Variants in IL1RAPL1 observed in about 807,000 individuals in gnomAD.
The protein encoded by IL1RAPL1 is interleukin-1 receptor accessory protein-like 1.
Under a neutral mutation model 48.4 loss-of-function variants are expected in IL1RAPL1, and 3 were observed. That is an observed-to-expected ratio of 0.06 (90% confidence interval 0.03 to 0.16). The LOEUF (loss-of-function observed/expected upper bound fraction) is 0.16, where lower values mean the gene tolerates loss of function less well. Among genes scored for constraint, IL1RAPL1 ranks in the 10% least tolerant of loss-of-function variants. IL1RAPL1 has a pLI of 1.00. For synonymous variants in IL1RAPL1, 185 were observed against 187.7 expected (o/e 0.99, Z 0.12); for missense variants, 349 against 530.6 (o/e 0.66, Z 3.36).
intron 5 of IL1RAPL1, among the ~76,000 whole-genome samples, chrX:29,652,602 C>T (rs974121558): frequency 1.8e-5 from 2 of 111,614 alleles, no homozygotes; most frequent in African/African-American, 6.5e-5. Context: ...GAAAAAAATT[C>T]AATTCGGATC....
At chrX:29,437,994 A>G (rs747176102) in intron 5 of IL1RAPL1, among the ~76,000 whole-genome samples, 17 of 111,123 alleles carry the variant, frequency 1.5e-4, no homozygotes, top group African/African-American at 5.5e-4. Context: ...TTCCAGCAAA[A>G]TCATCTGGAC....
intron 1 of IL1RAPL1, 88 bp from the exon 2 acceptor site, chrX:28,789,232 A>G: frequency 3.8e-6 from 2 of 525,311 alleles, no homozygotes; most frequent in East Asian, 3.7e-5. Flanking sequence ...TGCACCGATC[A>G]TGTTTGATCA....
intron 3 of IL1RAPL1, among the ~76,000 whole-genome samples, chrX:29,363,618 G>A (rs1055121065): frequency 9.0e-6 from 1 of 111,425 alleles, no homozygotes; most frequent in Non-Finnish European, 1.9e-5. Flanking sequence ...ATTGGCTCAC[G>A]ATTTTGCAGG....
At chrX:29,444,666 C>T (rs191158731) in intron 5 of IL1RAPL1, among the ~76,000 whole-genome samples, 108 of 111,922 alleles carry the variant, frequency 9.6e-4, no homozygotes, top group Admixed American at 6.8e-3. Flanking sequence ...GTGGCTGATA[C>T]AATGAGATCA....
At chrX:28,703,086 A>G (rs1935321440) in intron 1 of IL1RAPL1, among the ~76,000 whole-genome samples, 1 of 111,541 alleles carries the variant, frequency 9.0e-6, no homozygotes, top group Non-Finnish European at 1.9e-5. Context: ...GGATACTTGT[A>G]CACAACTAGT....
chrX:28,616,222 G>T (rs756591113), intron 1 of IL1RAPL1, among the ~76,000 whole-genome samples: 1 of 111,898 alleles, frequency 8.9e-6, no homozygotes, highest in Non-Finnish European at 1.9e-5. Context: ...CTATCATTTT[G>T]TCATAAAATG....
intron 2 of IL1RAPL1, among the ~76,000 whole-genome samples, chrX:28,790,567 T>TA (rs1380774928): frequency 9.0e-6 from 1 of 111,268 alleles, no homozygotes; most frequent in Non-Finnish European, 1.9e-5. Flanking sequence ...GGTTGAAAGT[T>TA]AAAAAAAAAT....
At chrX:29,905,163 A>G (rs1005883548) in intron 6 of IL1RAPL1, among the ~76,000 whole-genome samples, 1 of 111,650 alleles carries the variant, frequency 9.0e-6, no homozygotes, top group African/African-American at 3.2e-5. Context: ...GACTGCATAA[A>G]TGTCTTCTTT....
intron 5 of IL1RAPL1, among the ~76,000 whole-genome samples, chrX:29,406,146 T>G: frequency 8.9e-6 from 1 of 111,734 alleles, no homozygotes; most frequent in Non-Finnish European, 1.9e-5. Context: ...TCCCAGCACT[T>G]TGGGAGGCCG....
chrX:29,113,557 A>G (rs1928616791), intron 2 of IL1RAPL1, among the ~76,000 whole-genome samples: 1 of 111,941 alleles, frequency 8.9e-6, no homozygotes, highest in South Asian at 3.7e-4. Flanking sequence ...ATGGTCTGAA[A>G]TGTCTTTCAG....
intron 6 of IL1RAPL1, among the ~76,000 whole-genome samples, chrX:29,757,900 C>T (rs906995600): frequency 1.4e-4 from 16 of 110,658 alleles, no homozygotes; most frequent in Admixed American, 2.9e-4. Flanking sequence ...ATCTTATAGA[C>T]GGAGGAAGAA....
In IL1RAPL1 at chrX:29,918,527, T is replaced by A. The variant is rs1025278400; in HGVS notation, c.911+931T>A. On this transcript the variant is annotated intron_variant, in intron 7 of 10. Coordinates refer to ENST00000378993, the MANE Select transcript of IL1RAPL1 (RefSeq NM_014271.4). ...TCTCAAAAAAAAAAAAAAAAAAAAA[T>A]TTTCACAGGAAACATTAACAAGGTA... 2.5e-3 allele frequency among the ~76,000 whole-genome samples: 253 copies of A among 100,833 alleles called. 2 individuals carry two copies. Among genetic ancestry groups the A allele is most frequent in the African/African-American group, 8.9e-3 (236 of 26,651 alleles). 87.6% of individuals were successfully genotyped at this position (100,833 alleles called of 115,157 possible). A position where few individuals can be genotyped will look rare whatever the true frequency, so the allele number is the denominator to read the frequency against.
chrX:29,672,864 C>G (rs1250653705), intron 6 of IL1RAPL1, among the ~76,000 whole-genome samples: 1 of 111,921 alleles, frequency 8.9e-6, no homozygotes. Context: ...AAAGCAAGCA[C>G]TTTTTGTATC....
intron 2 of IL1RAPL1, among the ~76,000 whole-genome samples, chrX:29,122,409 T>TCTCTCTCTCACACACA (rs60632925): frequency 1.5e-5 from 1 of 64,569 alleles, no homozygotes; most frequent in African/African-American, 7.8e-5. Context: ...TCTCTCTCTC[T>TCTCTCTCTCACACACA]CACACACACA....
rs185305869 is a variant in IL1RAPL1 at position 29,217,034 on chromosome X, C to G, written c.83-65904C>G. 5.4e-5 allele frequency among the ~76,000 whole-genome samples: 6 copies of G among 111,498 alleles called. No homozygotes were observed. The East Asian group carries it at 1.4e-3, about 26-fold the overall frequency. The stretch of plus-strand genomic sequence containing the variant: ...CCTTATGGTAGTCATGCTGTGGTCA[C>G]TTTTACCTAATTAATTGCCTACGTG... On this transcript the variant is annotated intron_variant, in intron 2 of 10. Coordinates refer to ENST00000378993, the MANE Select transcript of IL1RAPL1 (RefSeq NM_014271.4).
At chrX:28,883,725 AT>A (rs1922560438) in intron 2 of IL1RAPL1, among the ~76,000 whole-genome samples, 1 of 112,406 alleles carries the variant, frequency 8.9e-6, no homozygotes, top group African/African-American at 3.2e-5. Context: ...GCATATAAAA[AT>A]TTATTTTAAA....
intron 1 of IL1RAPL1, among the ~76,000 whole-genome samples, chrX:28,688,700 A>G: frequency 8.9e-6 from 1 of 111,885 alleles, no homozygotes; most frequent in Non-Finnish European, 1.9e-5. Flanking sequence ...TTCTGATTTT[A>G]TGAGTGCTGC....
chrX:28,718,211 T>C (rs1175653439), intron 1 of IL1RAPL1, among the ~76,000 whole-genome samples: 1 of 111,505 alleles, frequency 9.0e-6, no homozygotes, highest in Non-Finnish European at 1.9e-5. Flanking sequence ...GTAAAATGCA[T>C]TAATACATGA....
At chrX:29,416,788 A>G (rs1040191688) in intron 5 of IL1RAPL1, among the ~76,000 whole-genome samples, 14 of 111,727 alleles carry the variant, frequency 1.3e-4, no homozygotes, top group African/African-American at 4.5e-4. Flanking sequence ...ACTGCTCAAT[A>G]ATAGGGAAGA....
Sources: allele counts gnomAD v4.1 joint callset (sites outside exome capture counted in the v4.1 genomes callset), GRCh38; gene constraint gnomAD v4.1.1; transcripts MANE v1.5; gene names NCBI Gene and HGNC (gene_info 2026-07-23, HGNC 2026-07-21).